SLF2: variants seen among roughly 807,000 people sequenced by gnomAD.
SLF2 encodes the protein SMC5-SMC6 complex localization factor protein 2.
SLF2 carries 68 observed loss-of-function variants against 124.3 expected under a neutral mutation model. The ratio of observed to expected loss-of-function variants is 0.55; its 90% CI spans 0.45 to 0.67. The LOEUF is 0.67. Ranked by LOEUF, SLF2 falls within the 30% of genes least tolerant of loss-of-function variation. The probability of loss-of-function intolerance (pLI) is 0.00; values close to 1 mark genes in which losing one functional copy is unlikely to be tolerated. For synonymous variants in SLF2, 480 were observed against 478.8 expected (o/e 1.00, Z -0.03); for missense variants, 1,246 against 1,373.7 (o/e 0.91, Z 1.47).
intron 18 of SLF2, among the ~76,000 whole-genome samples, chr10:100,957,213 C>T (rs1455083881): frequency 6.6e-6 from 1 of 151,568 alleles, no homozygotes; most frequent in Non-Finnish European, 1.5e-5. Context: ...AGTTATGAAA[C>T]AGTGGCTTTG....
At chr10:100,913,563 G>A (rs996489867) in intron 1 of SLF2, 3 of 1,215,344 alleles carry the variant, frequency 2.5e-6, no homozygotes, top group Non-Finnish European at 3.1e-6. Flanking sequence ...ACTGCTTAAT[G>A]CATATTTAGA....
At position 100,948,934 on chromosome 10, in the gene SLF2, TG is replaced by T. The variant is rs375415124; in HGVS notation, c.3120+1088del. Among the ~76,000 whole-genome samples the T allele has an allele frequency of 2.0e-5, 3 of 152,328 alleles. No homozygotes were observed. In the East Asian group the frequency reaches 5.8e-4, roughly 29 times the overall value. Reference sequence around the variant, plus strand: ...ATCTGGATGTCCCTTTGTTCTTGTTTGAATTGCAATTTGGTACAAGGTATGC... The same window carrying T: ...ATCTGGATGTCCCTTTGTTCTTGTTTAATTGCAATTTGGTACAAGGTATGC... On this transcript the variant is annotated intron_variant, in intron 15 of 19. Coordinates refer to ENST00000238961, the MANE Select transcript of SLF2 (RefSeq NM_018121.4).
chr10:100,916,097 A>C, intron 2 of SLF2, 55 bp downstream of exon 2: 1 of 1,399,394 alleles, frequency 7.1e-7, no homozygotes, highest in South Asian at 1.2e-5. Flanking sequence ...GAGGAGAGAG[A>C]CAGATTCAAC....
chr10:100,922,109 G>A (rs990296269), intron 4 of SLF2, among the ~76,000 whole-genome samples: 1 of 152,060 alleles, frequency 6.6e-6, no homozygotes, highest in African/African-American at 2.4e-5. Context: ...TTTGATTCAA[G>A]GTCTTACTCT....
intron 11 of SLF2, among the ~76,000 whole-genome samples, chr10:100,943,490 T>C (rs558717080): frequency 1.6e-4 from 24 of 152,376 alleles, no homozygotes; most frequent in African/African-American, 5.5e-4. Context: ...AAATTAAAAA[T>C]GTTATCTATC....
Position 100,917,283 on chromosome 10 carries a change from A to T in SLF2, c.898A>T (p.Asn300Tyr). 6.2e-7 allele frequency: 1 copy of T among 1,610,150 alleles called. No individual in the cohort carries two copies. Among genetic ancestry groups the T allele is most frequent in the Non-Finnish European group, 8.5e-7 (1 of 1,178,794 alleles). ...RKQNDIIPGK[N>Y]NLSNVENGHL... ...ACAGAATGACATCATACCTGGAAAA[A>T]ATAATCTGTCAAATGTGGTATGTGT... is the stretch of plus-strand genomic sequence containing the variant. The change falls in exon 3 of 20, where the codon AAT (asparagine) becomes TAT (tyrosine). Residue 300 changes from asparagine (N) to tyrosine (Y), a missense_variant. By Grantham distance (143) the Asn-to-Tyr change is moderately radical. This residue lies in a region of SLF2 where 698 missense variants were observed against 708.9 expected (regional missense o/e 0.98). Transcript: ENST00000238961.
chr10:100,917,946 T>C (rs1241062416), intron 3 of SLF2, among the ~76,000 whole-genome samples: 1 of 150,436 alleles, frequency 6.6e-6, no homozygotes, highest in Non-Finnish European at 1.5e-5. Context: ...AAATAACCAG[T>C]CATGGTGGCA....
At chr10:100,942,529 A>G (rs1850001130) in intron 11 of SLF2, among the ~76,000 whole-genome samples, 1 of 151,978 alleles carries the variant, frequency 6.6e-6, no homozygotes, top group African/African-American at 2.4e-5. Context: ...TAGAGAAGAC[A>G]AGAGTTTTGC....
Position 100,913,178 on chromosome 10 carries a change from C to T in SLF2, c.68C>T (p.Pro23Leu), listed in dbSNP as rs1225865817. ...TCCCCAGCCCCGGGGTCGTCGCCCC[C>T]GCGCTGCCATCTGAGACCCGGTAGT... The part of the protein sequence containing the change: ...PSSPAPGSSP[P>L]RCHLRPGSTA... Residue 23 changes from proline (P) to leucine (L), a missense_variant, in exon 1 of 20, where the codon CCG becomes CTG. By Grantham distance (98) the Pro-to-Leu change is moderately conservative (BLOSUM62 -3). Around this residue, in one of 3 missense-constraint regions of SLF2, gnomAD observed 698 missense variants for 708.9 expected, o/e 0.98. Coordinates refer to ENST00000238961, the MANE Select transcript of SLF2 (RefSeq NM_018121.4). 1 of 1,613,390 alleles carries T rather than the reference C, an allele frequency of 6.2e-7. No homozygotes were observed.
At position 100,924,066 on chromosome 10, in the gene SLF2, A is replaced by ATTTTTT; in HGVS notation, c.1065_1066insTTTTTT (p.Lys355_Ala356insPhePhe). On this transcript the variant is annotated inframe_insertion, in exon 5 of 20. Coordinates refer to ENST00000238961, the MANE Select transcript of SLF2 (RefSeq NM_018121.4). ...GCACAAGAGAATCTATGATACCAAA[A>ATTTTTT]GCAAGAGAGTCCTTCCTTGAGAAGC... is the stretch of plus-strand genomic sequence containing the variant. 6.2e-7 allele frequency: 1 copy of ATTTTTT among 1,611,072 alleles called. No homozygotes were observed. Among genetic ancestry groups the ATTTTTT allele is most frequent in the South Asian group, 1.1e-5 (1 of 90,690 alleles).
chr10:100,926,248 G>A, intron 6 of SLF2: 2 of 1,523,900 alleles, frequency 1.3e-6, no homozygotes, highest in Non-Finnish European at 1.8e-6. Flanking sequence ...GTTCAAGGCT[G>A]CGGTGAGTCG....
Position 100,913,034 on chromosome 10 carries a change from G to A in SLF2, c.-77G>A, listed in dbSNP as rs995698461. On this transcript the variant is annotated 5_prime_UTR_variant, in exon 1 of 20. Transcript: ENST00000238961. ...ACCTCTGCTCCGACAGCCTCCCGGA[G>A]TCCCAGCAGCAAGACGGCAACCACG... 2.0e-6 allele frequency: 3 copies of A among 1,529,172 alleles called. No individual in the cohort carries two copies. Among genetic ancestry groups the A allele is most frequent in the African/African-American group, 1.4e-5 (1 of 72,932 alleles). 94.7% of individuals were successfully genotyped at this position (1,529,172 alleles called of 1,614,324 possible). A position where few individuals can be genotyped will look rare whatever the true frequency, so the allele number is the denominator to read the frequency against.
chr10:100,949,465 CCA>C (rs1298062115), intron 15 of SLF2, among the ~76,000 whole-genome samples: 1 of 152,162 alleles, frequency 6.6e-6, no homozygotes, highest in Non-Finnish European at 1.5e-5. Flanking sequence ...TGACTTCTAA[CCA>C]CAGAGTCAAC....
In SLF2 at chr10:100,938,664, A is replaced by G. The variant is rs1266675910; in HGVS notation, c.2582A>G (p.Asn861Ser). ...SLSDVAAVFF[N>S]MGIDFRSLFP... ...TCTGATGTAGCAGCTGTGTTTTTCA[A>G]TATGGGGATTGATTTTAGATCTTTG... Residue 861 changes from asparagine to serine, a missense_variant, in exon 11 of 20, where the codon AAT (asparagine) becomes AGT (serine). By Grantham distance (46) the Asn-to-Ser change is conservative. Around this residue, in one of 3 missense-constraint regions of SLF2, gnomAD observed 535 missense variants for 632.8 expected, o/e 0.85. Coordinates refer to ENST00000238961, the MANE Select transcript of SLF2 (RefSeq NM_018121.4). 12 of 1,613,756 alleles carry G rather than the reference A, an allele frequency of 7.4e-6. No homozygotes were observed. Among genetic ancestry groups the G allele is most frequent in the Admixed American group, 3.3e-5 (2 of 59,946 alleles).
At chr10:100,929,250 T>G in intron 6 of SLF2, 67 bp from the exon 7 acceptor site, 2 of 1,435,210 alleles carry the variant, frequency 1.4e-6, no homozygotes, top group Non-Finnish European at 1.9e-6. Context: ...TGCTTTTAGA[T>G]ATAAACTAAA....
intron 9 of SLF2, among the ~76,000 whole-genome samples, chr10:100,932,710 TGTGTGTGTGTGCGC>T (rs759574314): frequency 0.016 from 1,451 of 88,448 alleles, 11 homozygotes; most frequent in Admixed American, 0.028. Flanking sequence ...TGTGTGTGTG[TGTGTGTGTGTGCGC>T]GCGCGCGCGC....
intron 19 of SLF2, among the ~76,000 whole-genome samples, chr10:100,960,948 A>G (rs975494011): frequency 7.3e-6 from 1 of 137,708 alleles, no homozygotes; most frequent in African/African-American, 2.7e-5. Flanking sequence ...TTGGTGAAAT[A>G]TGGATTCTGA....
At chr10:100,932,321 A>G (rs1262930743) in intron 9 of SLF2, among the ~76,000 whole-genome samples, 4 of 152,232 alleles carry the variant, frequency 2.6e-5, no homozygotes, top group Non-Finnish European at 5.9e-5. Flanking sequence ...TAAATGTGTG[A>G]AAAATATACA....
chr10:100,921,802 A>T (rs185513023), intron 4 of SLF2, among the ~76,000 whole-genome samples: 1 of 152,216 alleles, frequency 6.6e-6, no homozygotes, highest in Non-Finnish European at 1.5e-5. Context: ...TTGTAATCCC[A>T]TACTTAAAAG....
Sources: allele counts gnomAD v4.1 joint callset (sites outside exome capture counted in the v4.1 genomes callset), GRCh38; gene constraint gnomAD v4.1.1; regional missense constraint gnomAD v4.1.1; transcripts MANE v1.5; gene names NCBI Gene and HGNC (gene_info 2026-07-23, HGNC 2026-07-21).